KSR1: variants seen among roughly 807,000 people sequenced by gnomAD.
The protein encoded by KSR1 is kinase suppressor of ras.
KSR1 carries 35 observed loss-of-function variants against 92.9 expected under a neutral mutation model. The ratio of observed to expected loss-of-function variants is 0.38; its 90% confidence interval spans 0.29 to 0.50. The LOEUF is 0.50. KSR1 is among the 20% of genes least tolerant of loss of function. KSR1 has a pLI of 0.94. For synonymous variants in KSR1, 467 were observed against 472.6 expected, an observed-to-expected ratio of 0.99 and a Z score of 0.15; for missense variants, 972 against 1,158.5, an observed-to-expected ratio of 0.84 and a Z score of 2.34.
intron 1 of KSR1, among the ~76,000 whole-genome samples, chr17:27,484,927 A>G (rs2068620336): frequency 6.6e-6 from 1 of 152,222 alleles, no homozygotes; most frequent in African/African-American, 2.4e-5. Flanking sequence ...GTATGTGAAT[A>G]GGCTCCTTTA....
intron 1 of KSR1, among the ~76,000 whole-genome samples, chr17:27,515,826 G>A (rs181377717): frequency 4.5e-4 from 68 of 152,154 alleles, no homozygotes; most frequent in African/African-American, 1.5e-3. Context: ...TCTAGGTTAG[G>A]TAGGGCTTTC....
Position 27,582,736 on chromosome 17 carries a change from C to T in KSR1, c.611C>T (p.Ala204Val). 1 of 1,613,882 alleles carries T rather than the reference C, an allele frequency of 6.2e-7. No individual in the cohort carries two copies. The highest frequency in any genetic ancestry group is 8.5e-7 in the Non-Finnish European group (1 of 1,179,852). The change falls in exon 4 of 21, where the codon GCC becomes GTC. Residue 204 changes from alanine (A) to valine (V), a missense_variant. By Grantham distance (64) the Ala-to-Val change is moderately conservative. This residue lies in a region of KSR1 where 611 missense variants were observed against 668.0 expected (regional missense o/e 0.91). Coordinates refer to ENST00000644974, the MANE Select transcript of KSR1 (RefSeq NM_001394583.1). ...SGPSTDTLSA[A>V]SLPWPPGSSQ... Reference sequence around the variant, plus strand: ...CCTTCCACGGACACCCTCTCAGCAGCCAGCCTGCCCTGGCCCCCAGGGAGC... The same window carrying T: ...CCTTCCACGGACACCCTCTCAGCAGTCAGCCTGCCCTGGCCCCCAGGGAGC...
At chr17:27,592,296 C>T in intron 7 of KSR1, 65 bp from the exon 8 acceptor site, 2 of 1,284,762 alleles carry the variant, frequency 1.6e-6, no homozygotes, top group South Asian at 1.2e-5. Context: ...CTACACAGAG[C>T]TACCCCTGTG....
At position 27,609,230 on chromosome 17, in the gene KSR1, A is replaced by C; in HGVS notation, c.2126A>C (p.His709Pro). 6.2e-7 allele frequency: 1 copy of C among 1,614,018 alleles called. No individual in the cohort carries two copies. Among genetic ancestry groups the C allele is most frequent in the Non-Finnish European group, 8.5e-7 (1 of 1,179,884 alleles). ...TATCTTCATGCCAAGGGCATCGTAC[A>C]CAAAGATCTCAAATCTAAGAACGTC... ...MGYLHAKGIV[H>P]KDLKSKNVFY... The change falls in exon 16 of 21, where the codon CAC becomes CCC. Residue 709 changes from histidine (H) to proline (P), a missense_variant. By Grantham distance (77) the His-to-Pro change is moderately conservative. Around this residue, in one of 5 missense-constraint regions of KSR1, gnomAD observed 260 missense variants for 375.2 expected, o/e 0.69. Coordinates refer to ENST00000644974, the MANE Select transcript of KSR1 (RefSeq NM_001394583.1).
intron 2 of KSR1, among the ~76,000 whole-genome samples, chr17:27,555,983 C>T (rs1253445857): frequency 6.6e-6 from 1 of 152,182 alleles, no homozygotes; most frequent in Non-Finnish European, 1.5e-5. Flanking sequence ...CGTGTTGTCT[C>T]TTTTGTACAC....
rs570986019 is a variant in KSR1, at chr17:27,520,721, C to T, written c.232-29847C>T. Among the ~76,000 whole-genome samples, 14 of 152,314 alleles carry T rather than the reference C, an allele frequency of 9.2e-5. No homozygotes were observed. The East Asian group carries it at 2.7e-3, about 29-fold the overall frequency. ...GCCAGGCTGTGCCCGCCCAGGTTTC[C>T]CAGGCCCCGCTGCCTCCAACTCTCA... is the stretch of plus-strand genomic sequence containing the variant. On this transcript the variant is annotated intron_variant, in intron 1 of 20. Transcript: ENST00000644974.
chr17:27,601,161 C>T, intron 10 of KSR1, 199 bp from the exon 11 acceptor site: 2 of 586,316 alleles, frequency 3.4e-6, no homozygotes, highest in Non-Finnish European at 6.1e-6. Flanking sequence ...GTCCTGCAGA[C>T]TCCTGCCAGG....
At chr17:27,484,737 T>C (rs2068613828) in intron 1 of KSR1, among the ~76,000 whole-genome samples, 2 of 152,126 alleles carry the variant, frequency 1.3e-5, no homozygotes, top group African/African-American at 4.8e-5. Context: ...GCCTTGGGGC[T>C]AGGGGTCAGG....
chr17:27,457,625 T>C (rs1231758241), intron 1 of KSR1, among the ~76,000 whole-genome samples: 1 of 152,150 alleles, frequency 6.6e-6, no homozygotes, highest in Non-Finnish European at 1.5e-5. Context: ...AAATAAGATA[T>C]GCGGGCCTTC....
chr17:27,623,341 G>GT lies in KSR1; in HGVS notation c.2739dup (p.Glu914Ter). ...TTAACAGCAGCAAAGTTGTACCCCG[G>GT]TTTGAAAGGTTTGGCTTGGGCGTCC... On this transcript the variant is annotated frameshift_variant, in exon 21 of 21. Transcript: ENST00000644974. LOFTEE classifies it high-confidence loss of function. 1.3e-6 allele frequency: 1 copy of GT among 765,134 alleles called. No individual in the cohort carries two copies. The highest frequency in any genetic ancestry group is 2.4e-6 in the Non-Finnish European group (1 of 417,860). The allele number at this position is 765,134 out of a possible 1,614,324, so 47.4% of individuals were successfully genotyped here.
At chr17:27,618,049 G>A (rs2074113899) in intron 19 of KSR1, among the ~76,000 whole-genome samples, 1 of 152,216 alleles carries the variant, frequency 6.6e-6, no homozygotes, top group South Asian at 2.1e-4. Flanking sequence ...CTCTGCTGAG[G>A]GAGGGGCAAG....
At chr17:27,473,995 A>G (rs2068264614) in intron 1 of KSR1, among the ~76,000 whole-genome samples, 1 of 152,214 alleles carries the variant, frequency 6.6e-6, no homozygotes, top group African/African-American at 2.4e-5. Flanking sequence ...TTTACTCACA[A>G]TACCTGTGTA....
intron 2 of KSR1, among the ~76,000 whole-genome samples, chr17:27,564,470 A>T (rs1482907870): frequency 1.3e-5 from 2 of 152,222 alleles, no homozygotes; most frequent in Non-Finnish European, 2.9e-5. Flanking sequence ...TTACCAGTTT[A>T]GGCAATACAA....
At chr17:27,576,908 C>T (rs1332683971) in intron 2 of KSR1, among the ~76,000 whole-genome samples, 6 of 152,164 alleles carry the variant, frequency 3.9e-5, no homozygotes, top group Admixed American at 2.0e-4. Context: ...CTTTCTTCAC[C>T]GTATGGCCTA....
chr17:27,565,168 C>A (rs1225516142), intron 2 of KSR1, among the ~76,000 whole-genome samples: 6 of 152,218 alleles, frequency 3.9e-5, no homozygotes, highest in African/African-American at 1.2e-4. Context: ...GCACTGTAAT[C>A]TTACTACTCA....
chr17:27,555,478 C>G (rs1291023432), intron 2 of KSR1, among the ~76,000 whole-genome samples: 1 of 151,942 alleles, frequency 6.6e-6, no homozygotes, highest in Non-Finnish European at 1.5e-5. Context: ...TTCCTGCACT[C>G]TGTGACATTG....
chr17:27,613,414 C>A (rs894466054), intron 18 of KSR1, among the ~76,000 whole-genome samples: 2 of 152,146 alleles, frequency 1.3e-5, no homozygotes, highest in African/African-American at 4.8e-5. Flanking sequence ...AGAAACCTCT[C>A]AGCAAAAAAG....
intron 1 of KSR1, among the ~76,000 whole-genome samples, chr17:27,487,353 C>G (rs566105375): frequency 6.6e-6 from 1 of 152,050 alleles, no homozygotes; most frequent in Non-Finnish European, 1.5e-5. Context: ...GAGAATCGCT[C>G]GAACCTGGGA....
chr17:27,597,653 C>T (rs2073394638), intron 10 of KSR1, among the ~76,000 whole-genome samples: 1 of 152,174 alleles, frequency 6.6e-6, no homozygotes, highest in Non-Finnish European at 1.5e-5. Flanking sequence ...AGGGGCTTGC[C>T]ATGAGTTGTA....
Sources: gnomAD v4.1 joint callset for allele counts (sites outside exome capture counted in the v4.1 genomes callset) on GRCh38, gnomAD v4.1.1 for gene constraint, gnomAD v4.1.1 regional missense constraint, MANE v1.5 for transcripts, NCBI Gene and HGNC (gene_info 2026-07-23, HGNC 2026-07-21) for gene names.